Variants in ADCY1 observed in about 807,000 individuals in gnomAD.
ADCY1 encodes adenylate cyclase 1, also known as adenylate cyclase type 1.
ADCY1 carries 28 observed loss-of-function variants against 105.4 expected under a neutral mutation model. That is an observed-to-expected ratio of 0.27 (90% CI 0.20 to 0.36). The LOEUF is 0.36. Ranked by LOEUF, ADCY1 falls within the 10% of genes least tolerant of loss-of-function variation. The pLI, the probability that ADCY1 is intolerant of heterozygous loss-of-function variation, is 1.00. For missense variants in ADCY1, 977 were observed against 1,434.2 expected, an observed-to-expected ratio of 0.68 and a Z score of 5.15; for synonymous variants, 655 against 623.8, an observed-to-expected ratio of 1.05 and a Z score of -0.75.
At chr7:45,667,482 G>A (rs1157363977) in intron 8 of ADCY1, among the ~76,000 whole-genome samples, 1 of 152,130 alleles carries the variant, frequency 6.6e-6, no homozygotes, top group Non-Finnish European at 1.5e-5. Context: ...TGTTCCATTG[G>A]TCTATAACTC....
chr7:45,677,290 T>C (rs1003079903), intron 8 of ADCY1, among the ~76,000 whole-genome samples: 24 of 152,226 alleles, frequency 1.6e-4, no homozygotes, highest in African/African-American at 5.5e-4. Context: ...GTTCTGTTTA[T>C]GAAGCACTGA....
At chr7:45,653,615 T>C (rs1468771447) in intron 5 of ADCY1, among the ~76,000 whole-genome samples, 1 of 152,230 alleles carries the variant, frequency 6.6e-6, no homozygotes. Context: ...TTTCTCCTGC[T>C]GGTGAAGTCA....
intron 10 of ADCY1, 62 bp downstream of exon 10, chr7:45,678,325 G>A: frequency 6.6e-7 from 1 of 1,518,692 alleles, no homozygotes; most frequent in South Asian, 1.1e-5. Context: ...TGGGGTTCGT[G>A]GTTGTGTTTC....
intron 17 of ADCY1, among the ~76,000 whole-genome samples, chr7:45,705,261 C>A (rs1785092779): frequency 6.6e-6 from 1 of 151,948 alleles, no homozygotes; most frequent in Admixed American, 6.6e-5. Flanking sequence ...CAGACAAAGA[C>A]GTAATAGAAA....
Position 45,591,306 on chromosome 7 carries a change from C to T in ADCY1, c.640-1453C>T, listed in dbSNP as rs1792910052. On this transcript the variant is annotated intron_variant, in intron 1 of 19. Coordinates refer to ENST00000297323, the MANE Select transcript of ADCY1 (RefSeq NM_021116.4). The surrounding 1 kb of genome is among the most constrained non-coding windows in gnomAD (Gnocchi z 4.1). Reference sequence around the variant, plus strand: ...CCCTCCTAGAGCCGTCTGGGGGCCCCATCCTGCTGCCTGTAGCTTGGCCCG... The same window carrying T: ...CCCTCCTAGAGCCGTCTGGGGGCCCTATCCTGCTGCCTGTAGCTTGGCCCG... Among the ~76,000 whole-genome samples the T allele has an allele frequency of 6.6e-6, 1 of 152,210 alleles. No individual in the cohort carries two copies. The highest frequency in any genetic ancestry group is 2.4e-5 in the African/African-American group (1 of 41,452).
rs1328319507 is a variant in ADCY1 at position 45,685,071 on chromosome 7, G to A, written c.2073+3G>A. ...ACTCAGTAGCCCAAGGTTGTGTGGT[G>A]AGCATCTCCAGCTTGTGGCATGCGC... On this transcript the variant is annotated splice_donor_region_variant and intron_variant, in intron 12 of 19. Transcript: ENST00000297323. The A allele has an allele frequency of 6.2e-7, 1 of 1,613,018 alleles. No homozygotes were observed. Among genetic ancestry groups the A allele is most frequent in the Non-Finnish European group, 8.5e-7 (1 of 1,178,976 alleles).
intron 3 of ADCY1, among the ~76,000 whole-genome samples, chr7:45,615,349 G>C (rs919928528): frequency 6.6e-6 from 1 of 152,220 alleles, no homozygotes; most frequent in Non-Finnish European, 1.5e-5. Flanking sequence ...TGTAAGCCCA[G>C]CACTTTGGGA....
At chr7:45,713,353 T>G (rs754992234) in intron 19 of ADCY1, among the ~76,000 whole-genome samples, 8 of 152,228 alleles carry the variant, frequency 5.3e-5, no homozygotes, top group Non-Finnish European at 1.0e-4. Flanking sequence ...CCTGCCTGTC[T>G]GGGTGCTTCC....
Position 45,686,289 on chromosome 7 carries a change from C to A in ADCY1, c.2327+74C>A. 1 of 1,541,830 alleles carries A rather than the reference C, an allele frequency of 6.5e-7. No homozygotes were observed. Among genetic ancestry groups the A allele is most frequent in the Non-Finnish European group, 8.8e-7 (1 of 1,141,702 alleles). On this transcript the variant is annotated intron_variant, in intron 13 of 19. Transcript: ENST00000297323. The surrounding 1 kb of genome is among the most constrained non-coding windows in gnomAD (Gnocchi z 4.3). ...AATCTGTGTATACAGATATGCACTA[C>A]AGGCTTCTGAGTCCAGAACTAGTCA...
intron 8 of ADCY1, among the ~76,000 whole-genome samples, chr7:45,670,452 G>A (rs1784344040): frequency 6.6e-6 from 1 of 152,188 alleles, no homozygotes; most frequent in Non-Finnish European, 1.5e-5. Flanking sequence ...GTGGACCAAT[G>A]TCTATTACTC....
At chr7:45,666,592 G>C (rs906780781) in intron 8 of ADCY1, among the ~76,000 whole-genome samples, 4 of 152,206 alleles carry the variant, frequency 2.6e-5, no homozygotes, top group African/African-American at 9.7e-5. Flanking sequence ...AAACATACGT[G>C]TGCATTTGTC....
intron 4 of ADCY1, among the ~76,000 whole-genome samples, chr7:45,637,229 T>A (rs1359284452): frequency 6.6e-6 from 1 of 152,236 alleles, no homozygotes; most frequent in African/African-American, 2.4e-5. Flanking sequence ...TCTTCCTTCT[T>A]GGCCTTTATG....
chr7:45,646,040 TG>T (rs1361829105), intron 4 of ADCY1, among the ~76,000 whole-genome samples: 4 of 151,906 alleles, frequency 2.6e-5, no homozygotes, highest in African/African-American at 9.7e-5. Context: ...GTATGAGGTG[TG>T]GCCGCTTCCC....
chr7:45,574,839 G>T lies in ADCY1; in HGVS notation c.296G>T (p.Cys99Phe). ...GLAKGSHPVHCVLFLALLVVT... is the reference protein window; with the variant it reads ...GLAKGSHPVHFVLFLALLVVT... ...GCCAAGGGCTCACACCCGGTGCACT[G>T]CGTCCTCTTCCTGGCGCTGCTCGTG... Residue 99 changes from cysteine to phenylalanine, a missense_variant, in exon 1 of 20, where the codon TGC becomes TTC. Transcript: ENST00000297323. The surrounding 1 kb of genome is among the most constrained non-coding windows in gnomAD (Gnocchi z 7.0). The T allele has an allele frequency of 6.2e-7, 1 of 1,610,724 alleles. No individual in the cohort carries two copies.
chr7:45,664,414 C>T (rs1426045574), intron 8 of ADCY1: 1 of 1,535,814 alleles, frequency 6.5e-7, no homozygotes, highest in Admixed American at 2.0e-5. Context: ...ACCAGTGCTG[C>T]AAGGATGAGC....
chr7:45,663,818 CA>C (rs200786032), intron 8 of ADCY1, among the ~76,000 whole-genome samples: 158 of 132,498 alleles, frequency 1.2e-3, no homozygotes, highest in Middle Eastern at 4.0e-3. Context: ...GACGGTGTCT[CA>C]AAAAAAAAAA....
At chr7:45,644,910 C>T (rs1006225836) in intron 4 of ADCY1, among the ~76,000 whole-genome samples, 8 of 152,228 alleles carry the variant, frequency 5.3e-5, no homozygotes, top group Middle Eastern at 3.4e-3. Flanking sequence ...CTAGTGCCAG[C>T]GTGGTGGAGG....
Position 45,703,712 on chromosome 7 carries a change from G to A in ADCY1, c.2684G>A (p.Arg895Gln), listed in dbSNP as rs757591643. The A allele has an allele frequency of 1.2e-6, 2 of 1,600,196 alleles. No individual in the cohort carries two copies. The highest frequency in any genetic ancestry group is 2.2e-5 in the East Asian group (1 of 44,670). ...AACAACATGGGGGTGGAGTGTCTGCGGCTTCTCAACGAGATCATCGCCGAC... is the reference window on the plus strand; with the variant it reads ...AACAACATGGGGGTGGAGTGTCTGCAGCTTCTCAACGAGATCATCGCCGAC... ...DGNNMGVECL[R>Q]LLNEIIADFD... The change falls in exon 16 of 20, where the codon CGG becomes CAG. Residue 895 changes from arginine (R) to glutamine (Q), a missense_variant. This residue lies in a region of ADCY1 where 152 missense variants were observed against 293.7 expected (regional missense o/e 0.52). Transcript: ENST00000297323. This position sits in a 1 kb window ranked among gnomAD's most constrained non-coding sequence, Gnocchi z 5.9.
chr7:45,634,913 C>G (rs540871839), intron 4 of ADCY1, among the ~76,000 whole-genome samples: 57 of 152,222 alleles, frequency 3.7e-4, no homozygotes, highest in Non-Finnish European at 6.3e-4. Context: ...TAGTCTGTGG[C>G]TTTCTTATTC....
Sources: gnomAD v4.1 joint callset for allele counts (sites outside exome capture counted in the v4.1 genomes callset) on GRCh38, gnomAD v4.1.1 for gene constraint, gnomAD v4.1.1 regional missense constraint, Gnocchi (gnomAD v3.1) non-coding constraint, MANE v1.5 for transcripts, NCBI Gene and HGNC (gene_info 2026-07-23, HGNC 2026-07-21) for gene names.